Variants in RREB1 observed in about 807,000 individuals in gnomAD.
RREB1 encodes the protein ras responsive element binding protein 1.
RREB1 carries 27 observed loss-of-function variants against 117.8 expected under a neutral mutation model. That is an observed-to-expected ratio of 0.23 (90% CI 0.17 to 0.32). RREB1 has a LOEUF of 0.32. Among genes scored for constraint, RREB1 ranks in the 10% least tolerant of loss-of-function variants. RREB1 has a pLI of 1.00. For missense variants in RREB1, 2,577 were observed against 2,378.2 expected, an observed-to-expected ratio of 1.08 and a Z score of -1.74; for synonymous variants, 1,298 against 1,026.7, an observed-to-expected ratio of 1.26 and a Z score of -5.05.
intron 1 of RREB1, among the ~76,000 whole-genome samples, chr6:7,112,638 C>T (rs374942836): frequency 5.9e-5 from 9 of 152,130 alleles, no homozygotes; most frequent in African/African-American, 9.7e-5. Context: ...GGGAGGCATA[C>T]GGTGTGCTCT....
chr6:7,230,994 C>G lies in RREB1; in HGVS notation c.2895C>G (p.Ser965Arg). 6.2e-7 allele frequency: 1 copy of G among 1,614,156 alleles called. No homozygotes were observed. Among genetic ancestry groups the G allele is most frequent in the Non-Finnish European group, 8.5e-7 (1 of 1,180,006 alleles). Residue 965 changes from serine (S) to arginine (R), a missense_variant, in exon 10 of 13, where the codon AGC becomes AGG. By Grantham distance (110) the Ser-to-Arg change is moderately radical. Coordinates refer to ENST00000379938, the MANE Select transcript of RREB1 (RefSeq NM_001003699.4). Reference sequence around the variant, plus strand: ...AGAAGCCTGAGGAGGAGGCGGGGAGCAGCGAGCAGCCCTCTCCCTGCCCAG... The same window carrying G: ...AGAAGCCTGAGGAGGAGGCGGGGAGGAGCGAGCAGCCCTCTCCCTGCCCAG... ...EAKKPEEEAG[S>R]SEQPSPCPAP...
intron 1 of RREB1, among the ~76,000 whole-genome samples, chr6:7,159,887 A>C (rs991101566): frequency 6.6e-6 from 1 of 152,176 alleles, no homozygotes; most frequent in African/African-American, 2.4e-5. Context: ...TGCATTTTAC[A>C]TGTGGTTTCA....
At chr6:7,187,931 G>A (rs959253204) in intron 5 of RREB1, among the ~76,000 whole-genome samples, 5 of 152,096 alleles carry the variant, frequency 3.3e-5, no homozygotes, top group African/African-American at 9.7e-5. Flanking sequence ...CAAGATAGGC[G>A]GATCACTTGA....
At chr6:7,125,031 T>A (rs1761848926) in intron 1 of RREB1, among the ~76,000 whole-genome samples, 1 of 152,208 alleles carries the variant, frequency 6.6e-6, no homozygotes, top group Non-Finnish European at 1.5e-5. Context: ...CTGTTCTGGC[T>A]TGTGGAAACA....
At chr6:7,126,492 C>T (rs1761939001) in intron 1 of RREB1, among the ~76,000 whole-genome samples, 1 of 151,698 alleles carries the variant, frequency 6.6e-6, no homozygotes, top group South Asian at 2.1e-4. Flanking sequence ...TGGTCTTAAA[C>T]TCCTGACCTC....
intron 12 of RREB1, 69 bp downstream of exon 12, chr6:7,247,290 C>A: frequency 2.1e-6 from 3 of 1,440,960 alleles, no homozygotes. Context: ...CTAGGAGCTC[C>A]CCTGAAGCGG....
chr6:7,197,977 G>A (rs1285123646), intron 6 of RREB1, among the ~76,000 whole-genome samples: 2 of 152,240 alleles, frequency 1.3e-5, no homozygotes, highest in East Asian at 1.9e-4. Context: ...CACAACTGCA[G>A]TTGGGTATCT....
At chr6:7,137,111 C>T (rs546494620) in intron 1 of RREB1, among the ~76,000 whole-genome samples, 1 of 152,310 alleles carries the variant, frequency 6.6e-6, no homozygotes, top group South Asian at 2.1e-4. Flanking sequence ...GGAGTTCCCT[C>T]CCCAAAGCCC....
At chr6:7,110,616 A>G (rs1262869409) in intron 1 of RREB1, among the ~76,000 whole-genome samples, 1 of 152,224 alleles carries the variant, frequency 6.6e-6, no homozygotes, top group Non-Finnish European at 1.5e-5. Flanking sequence ...GCTTTAATCA[A>G]GTTTTAAATG....
chr6:7,141,982 C>G (rs1434410151), intron 1 of RREB1, among the ~76,000 whole-genome samples: 1 of 152,242 alleles, frequency 6.6e-6, no homozygotes. Context: ...GAGGCCCAGG[C>G]AGGCGGATCA....
chr6:7,241,538 T>C (rs1459544215), intron 11 of RREB1, among the ~76,000 whole-genome samples: 2 of 152,184 alleles, frequency 1.3e-5, no homozygotes, highest in Non-Finnish European at 2.9e-5. Context: ...ATTTGCGTCC[T>C]GTGGCTTCTA....
intron 8 of RREB1, among the ~76,000 whole-genome samples, chr6:7,224,718 A>G (rs1767482760): frequency 6.6e-6 from 1 of 152,166 alleles, no homozygotes; most frequent in Non-Finnish European, 1.5e-5. Flanking sequence ...ACCGCTGGGT[A>G]CTTTGACATC....
chr6:7,181,796 C>A, intron 3 of RREB1, 74 bp from the exon 4 acceptor site: 1 of 1,036,574 alleles, frequency 9.6e-7, no homozygotes, highest in South Asian at 1.3e-5. Flanking sequence ...TTAGAGTAGC[C>A]ATGGCCAGCG....
intron 4 of RREB1, among the ~76,000 whole-genome samples, chr6:7,185,922 C>T (rs1721327674): frequency 6.6e-6 from 1 of 152,142 alleles, no homozygotes; most frequent in South Asian, 2.1e-4. Flanking sequence ...CTCTGTGTAC[C>T]CCAGTTTCCG....
chr6:7,241,589 G>A lies in RREB1; in HGVS notation c.3973+987G>A, dbSNP rs553100926. ...TGGAGATGGGGTGCCCTGTAGTTAC[G>A]AGGCACCCCTGCCTCAGGAGTCAGT... On this transcript the variant is annotated intron_variant, in intron 11 of 12. Coordinates refer to ENST00000379938, the MANE Select transcript of RREB1 (RefSeq NM_001003699.4). Among the ~76,000 whole-genome samples, 22 of 152,222 alleles carry A rather than the reference G, an allele frequency of 1.4e-4. No individual in the cohort carries two copies. In the South Asian group the frequency reaches 4.2e-3, roughly 29 times the overall value.
At chr6:7,190,953 G>C (rs1264269752) in intron 6 of RREB1, among the ~76,000 whole-genome samples, 1 of 152,254 alleles carries the variant, frequency 6.6e-6, no homozygotes, top group Non-Finnish European at 1.5e-5. Flanking sequence ...CATTGGTAAA[G>C]AGGCCCCTCC....
chr6:7,181,270 GTTC>G (rs1287410745), intron 3 of RREB1, 24 bp downstream of exon 3: 2 of 398,606 alleles, frequency 5.0e-6, no homozygotes, highest in Non-Finnish European at 8.8e-6. Context: ...TGGCGGGAGG[GTTC>G]TTCTTTCCCT....
chr6:7,218,774 A>G (rs1264671278), intron 8 of RREB1: 4 of 150,238 alleles, frequency 2.7e-5, no homozygotes, highest in South Asian at 2.1e-4. Flanking sequence ...ACATATTTAC[A>G]TATTTATCAC....
intron 8 of RREB1, chr6:7,213,901 G>A (rs1168725739): frequency 6.6e-6 from 1 of 152,218 alleles, no homozygotes; most frequent in Non-Finnish European, 1.5e-5. Context: ...ATTCTGTTCT[G>A]CAGGAAAAAT....
Sources: gnomAD v4.1 joint callset for allele counts (sites outside exome capture counted in the v4.1 genomes callset) on GRCh38, gnomAD v4.1.1 for gene constraint, MANE v1.5 for transcripts, NCBI Gene and HGNC (gene_info 2026-07-23, HGNC 2026-07-21) for gene names.